MACROH2A2: variants seen among roughly 807,000 people sequenced by gnomAD.
MACROH2A2 encodes the protein core histone macro-H2A.2.
Under a neutral mutation model 37.6 loss-of-function variants are expected in MACROH2A2, and 6 were observed. The observed-to-expected ratio is 0.16, with a 90% CI of 0.09 to 0.32. MACROH2A2 has a LOEUF of 0.32. Among genes scored for constraint, MACROH2A2 ranks in the 10% least tolerant of loss-of-function variants. The probability of loss-of-function intolerance (pLI) is 1.00; values close to 1 mark genes in which losing one functional copy is unlikely to be tolerated. For synonymous variants in MACROH2A2, 192 were observed against 202.7 expected (o/e 0.95, Z 0.45); for missense variants, 290 against 485.9 (o/e 0.60, Z 3.79).
At chr10:70,095,854 G>C in intron 6 of MACROH2A2, 101 bp downstream of exon 6, 1 of 656,642 alleles carries the variant, frequency 1.5e-6, no homozygotes, top group South Asian at 1.8e-5. Flanking sequence ...CCTCCGCTGG[G>C]GTCCCATGTC....
At chr10:70,074,954 A>G (rs1327902027) in intron 1 of MACROH2A2, among the ~76,000 whole-genome samples, 1 of 152,206 alleles carries the variant, frequency 6.6e-6, no homozygotes, top group Non-Finnish European at 1.5e-5. Flanking sequence ...TTGTTGCTGG[A>G]ACAAATTACC....
chr10:70,078,339 G>GC (rs2072153120), intron 2 of MACROH2A2, among the ~76,000 whole-genome samples: 1 of 152,178 alleles, frequency 6.6e-6, no homozygotes, highest in Non-Finnish European at 1.5e-5. Flanking sequence ...AAGTCCTCCT[G>GC]CCCCCGGCCA....
chr10:70,083,200 G>C (rs1294990478), intron 2 of MACROH2A2, among the ~76,000 whole-genome samples: 2 of 152,156 alleles, frequency 1.3e-5, no homozygotes, highest in Non-Finnish European at 2.9e-5. Context: ...ACCTCCTCCA[G>C]CTCCCAGAAC....
chr10:70,098,929 G>A (rs1217832738), intron 6 of MACROH2A2: 1 of 152,140 alleles, frequency 6.6e-6, no homozygotes, highest in East Asian at 1.9e-4. Context: ...TTCTTAAAAG[G>A]CTTCAGTGAG....
At chr10:70,093,605 C>T (rs2072258814) in intron 4 of MACROH2A2, 130 bp from the exon 5 acceptor site, 9 of 609,914 alleles carry the variant, frequency 1.5e-5, no homozygotes, top group Middle Eastern at 3.7e-4. Flanking sequence ...CTTCAAGAAA[C>T]AGCAGAACAC....
At chr10:70,097,979 C>A (rs2072284938) in intron 6 of MACROH2A2, among the ~76,000 whole-genome samples, 2 of 152,078 alleles carry the variant, frequency 1.3e-5, no homozygotes, top group Non-Finnish European at 2.9e-5. Flanking sequence ...CGGTGGCTCA[C>A]ACCTGTAATC....
chr10:70,078,819 G>C (rs1020848036), intron 2 of MACROH2A2, among the ~76,000 whole-genome samples: 4 of 152,174 alleles, frequency 2.6e-5, no homozygotes, highest in Non-Finnish European at 5.9e-5. Context: ...GCAAGCTACT[G>C]TTGAGTAAAT....
At chr10:70,092,954 GAAT>G (rs1178963169) in intron 4 of MACROH2A2, among the ~76,000 whole-genome samples, 15 of 152,054 alleles carry the variant, frequency 9.9e-5, no homozygotes, top group Middle Eastern at 3.4e-3. Context: ...GCCACTGATA[GAAT>G]AATGTTTTCC....
chr10:70,064,651 C>T (rs1450519324), intron 1 of MACROH2A2, among the ~76,000 whole-genome samples: 9 of 152,130 alleles, frequency 5.9e-5, no homozygotes, highest in African/African-American at 2.2e-4. Flanking sequence ...GTGAATAAGT[C>T]TCACGAGATC....
At chr10:70,089,919 G>A (rs988624199) in intron 2 of MACROH2A2, 141 bp from the exon 3 acceptor site, 27 of 691,768 alleles carry the variant, frequency 3.9e-5, no homozygotes, top group Middle Eastern at 2.5e-4. Context: ...GTTCTCTTAC[G>A]CTTCCTGGAT....
At chr10:70,060,876 T>G (rs1261605857) in intron 1 of MACROH2A2, among the ~76,000 whole-genome samples, 2 of 151,940 alleles carry the variant, frequency 1.3e-5, no homozygotes, top group Non-Finnish European at 2.9e-5. Context: ...CTCAGCACTT[T>G]GGGAGGCTAA....
chr10:70,073,250 C>T (rs139668050), intron 1 of MACROH2A2, among the ~76,000 whole-genome samples: 22 of 152,344 alleles, frequency 1.4e-4, no homozygotes, highest in African/African-American at 5.1e-4. Flanking sequence ...ACAGGGCTGA[C>T]TAACAGCAGG....
intron 2 of MACROH2A2, among the ~76,000 whole-genome samples, chr10:70,078,426 C>T (rs140328401): frequency 2.8e-4 from 43 of 152,354 alleles, no homozygotes; most frequent in African/African-American, 9.6e-4. Flanking sequence ...CAGGCCTGTC[C>T]TCTGTGTCCT....
At chr10:70,099,892 G>C (rs2072296721) in intron 6 of MACROH2A2, among the ~76,000 whole-genome samples, 1 of 152,162 alleles carries the variant, frequency 6.6e-6, no homozygotes, top group South Asian at 2.1e-4. Context: ...AAACCTGTGG[G>C]ACACAACACT....
At chr10:70,066,929 G>A (rs531910796) in intron 1 of MACROH2A2, among the ~76,000 whole-genome samples, 2 of 152,124 alleles carry the variant, frequency 1.3e-5, no homozygotes, top group East Asian at 3.8e-4. Context: ...TCATATGTTT[G>A]TGCTTTTTGT....
chr10:70,083,342 T>C (rs2072192669), intron 2 of MACROH2A2, among the ~76,000 whole-genome samples: 1 of 152,172 alleles, frequency 6.6e-6, no homozygotes, highest in African/African-American at 2.4e-5. Context: ...AGTGACAGTA[T>C]TCCACTCTTC....
At chr10:70,061,412 C>G (rs781075518) in intron 1 of MACROH2A2, among the ~76,000 whole-genome samples, 2 of 152,138 alleles carry the variant, frequency 1.3e-5, no homozygotes, top group Non-Finnish European at 2.9e-5. Flanking sequence ...GGTGGCCAAA[C>G]GTATTTATAT....
rs965499822 is a variant in MACROH2A2, at chr10:70,075,884, G to A, written c.172+54G>A. The A allele has an allele frequency of 2.9e-5, 43 of 1,496,598 alleles. No homozygotes were observed. The highest frequency in any genetic ancestry group is 3.7e-5 in the Non-Finnish European group (40 of 1,086,616). 92.7% of individuals were successfully genotyped at this position (1,496,598 alleles called of 1,614,324 possible). ...TGCTCCCAGGTCCCCACCCTCCCCT[G>A]GGTCCCCCTCGCAGGCTGGGGAGGG... On this transcript the variant is annotated intron_variant, in intron 2 of 8. Transcript: ENST00000373255. The surrounding 1 kb of genome is among the most constrained non-coding windows in gnomAD (Gnocchi z 5.0).
At chr10:70,068,915 C>CA (rs574929258) in intron 1 of MACROH2A2, among the ~76,000 whole-genome samples, 393 of 152,312 alleles carry the variant, frequency 2.6e-3, no homozygotes, top group African/African-American at 8.8e-3. Flanking sequence ...ATAAATTTAA[C>CA]AACATCTAAT....
Sources: allele counts gnomAD v4.1 joint callset (sites outside exome capture counted in the v4.1 genomes callset), GRCh38; gene constraint gnomAD v4.1.1; non-coding constraint Gnocchi (gnomAD v3.1); transcripts MANE v1.5; gene names NCBI Gene and HGNC (gene_info 2026-07-23, HGNC 2026-07-21).